Variants in MAGI2 observed in about 807,000 individuals in gnomAD.
MAGI2 encodes membrane associated guanylate kinase, WW and PDZ domain containing 2.
A neutral mutation model predicts 133.3 loss-of-function variants in MAGI2; 35 were observed. The ratio of observed to expected loss-of-function variants is 0.26; its 90% confidence interval spans 0.20 to 0.35. MAGI2 has a LOEUF of 0.35. Ranked by LOEUF, MAGI2 falls within the 10% of genes least tolerant of loss-of-function variation. The probability of loss-of-function intolerance (pLI) is 1.00; values close to 1 mark genes in which losing one functional copy is unlikely to be tolerated. For synonymous variants in MAGI2, 729 were observed against 710.6 expected, an observed-to-expected ratio of 1.03 and a Z score of -0.41; for missense variants, 1,636 against 1,863.4, an observed-to-expected ratio of 0.88 and a Z score of 2.25.
intron 2 of MAGI2, among the ~76,000 whole-genome samples, chr7:78,709,557 TCAC>T (rs1818973623): frequency 6.6e-6 from 1 of 152,168 alleles, no homozygotes; most frequent in Non-Finnish European, 1.5e-5. Context: ...TCACTTCAGT[TCAC>T]GTTTATTTTG....
intron 6 of MAGI2, among the ~76,000 whole-genome samples, chr7:78,452,772 C>T (rs888383754): frequency 1.3e-5 from 2 of 150,832 alleles, no homozygotes; most frequent in African/African-American, 4.9e-5. Context: ...TTTGAAAATG[C>T]CTTTTGAATA....
At chr7:78,450,272 G>T (rs1336101798) in intron 6 of MAGI2, among the ~76,000 whole-genome samples, 1 of 151,886 alleles carries the variant, frequency 6.6e-6, no homozygotes, top group Non-Finnish European at 1.5e-5. Flanking sequence ...TCAATCCTGG[G>T]AATTCATTAA....
intron 1 of MAGI2, among the ~76,000 whole-genome samples, chr7:79,077,607 A>AG (rs1815645897): frequency 6.9e-6 from 1 of 144,440 alleles, no homozygotes; most frequent in African/African-American, 2.6e-5. Context: ...AAATAAATAA[A>AG]TAAATTCCCT....
intron 1 of MAGI2, among the ~76,000 whole-genome samples, chr7:79,093,720 T>C (rs1355659689): frequency 1.3e-4 from 19 of 149,492 alleles, no homozygotes; most frequent in Middle Eastern, 3.5e-3. Context: ...TTTTCTTTTT[T>C]TTTTTTTTTT....
intron 9 of MAGI2, among the ~76,000 whole-genome samples, chr7:78,274,038 C>T (rs982787796): frequency 1.3e-5 from 2 of 152,160 alleles, no homozygotes. Context: ...GAATTTTCAG[C>T]CTTTTTGCAC....
At chr7:79,266,945 T>TAGACTTCAGATAAGGGGGAATGATAC in intron 1 of MAGI2, among the ~76,000 whole-genome samples, 1 of 152,072 alleles carries the variant, frequency 6.6e-6, no homozygotes, top group African/African-American at 2.4e-5. Flanking sequence ...GTCTATCACA[T>TAGACTTCAGATAAGGGGGAATGATAC]AGACTTCAGA....
intron 1 of MAGI2, among the ~76,000 whole-genome samples, chr7:79,192,474 C>T (rs1827759108): frequency 6.6e-6 from 1 of 151,690 alleles, no homozygotes. Context: ...ATAAAAAAAA[C>T]TACAAGAAGG....
intron 2 of MAGI2, among the ~76,000 whole-genome samples, chr7:78,635,967 A>ATATC (rs1809593625): frequency 6.6e-6 from 1 of 152,228 alleles, no homozygotes; most frequent in Non-Finnish European, 1.5e-5. Context: ...AAAGCAAATA[A>ATATC]TATCGTTTGG....
chr7:78,162,674 T>C (rs1446988469), intron 15 of MAGI2, among the ~76,000 whole-genome samples: 2 of 152,162 alleles, frequency 1.3e-5, no homozygotes, highest in African/African-American at 4.8e-5. Context: ...AAGAGTCATA[T>C]ACATTAATAG....
At position 79,243,418 on chromosome 7, in the gene MAGI2, G is replaced by A. The variant is rs111661187; in HGVS notation, c.301+209602C>T. On this transcript the variant is annotated intron_variant, in intron 1 of 21. Transcript: ENST00000354212. ...TCAGAAGCACTTGATGCTGGAAACAGACAATATGATAGAGTGTGGGGATAT... is the reference window on the plus strand; with the variant it reads ...TCAGAAGCACTTGATGCTGGAAACAAACAATATGATAGAGTGTGGGGATAT... Among the ~76,000 whole-genome samples the A allele has an allele frequency of 1.1e-3, 161 of 152,314 alleles. 1 individual carries two copies. Among genetic ancestry groups the A allele is most frequent in the African/African-American group, 3.6e-3 (149 of 41,574 alleles).
intron 6 of MAGI2, among the ~76,000 whole-genome samples, chr7:78,483,767 C>A (rs765287050): frequency 4.0e-5 from 6 of 151,856 alleles, no homozygotes; most frequent in Non-Finnish European, 8.8e-5. Context: ...ATGATTAATA[C>A]CAGTCAGCTA....
chr7:78,447,714 T>C (rs1003850829), intron 6 of MAGI2, among the ~76,000 whole-genome samples: 6 of 152,194 alleles, frequency 3.9e-5, no homozygotes, highest in Non-Finnish European at 8.8e-5. Flanking sequence ...AGGACATTAT[T>C]GCAAGAAAGC....
intron 2 of MAGI2, among the ~76,000 whole-genome samples, chr7:78,791,770 G>A (rs1242029223): frequency 6.6e-6 from 1 of 151,930 alleles, no homozygotes; most frequent in African/African-American, 2.4e-5. Context: ...GGCTGGTCTC[G>A]AACTCCTGAC....
intron 1 of MAGI2, among the ~76,000 whole-genome samples, chr7:79,382,104 A>G (rs958573428): frequency 6.6e-6 from 1 of 151,600 alleles, no homozygotes; most frequent in African/African-American, 2.4e-5. Flanking sequence ...AGGAAGAAAT[A>G]ATTCCCAGTC....
chr7:79,396,772 G>A (rs11976606), intron 1 of MAGI2, among the ~76,000 whole-genome samples: 37,200 of 151,804 alleles, frequency 0.25, 5,899 homozygotes, highest in African/African-American at 0.44. Context: ...AGCCTAATAC[G>A]TATTACTTTT....
At chr7:78,435,410 A>G (rs146188730) in intron 6 of MAGI2, among the ~76,000 whole-genome samples, 165 of 152,228 alleles carry the variant, frequency 1.1e-3, no homozygotes, top group African/African-American at 3.9e-3. Context: ...ACAGAGGACC[A>G]ATGGATTTCA....
chr7:78,221,489 G>A (rs994464130), intron 10 of MAGI2, among the ~76,000 whole-genome samples: 7 of 152,088 alleles, frequency 4.6e-5, no homozygotes, highest in African/African-American at 7.2e-5. Context: ...ATGATGCTGT[G>A]GGAAGCTGAG....
intron 3 of MAGI2, among the ~76,000 whole-genome samples, chr7:78,536,845 G>A (rs913796895): frequency 9.4e-5 from 14 of 149,430 alleles, no homozygotes; most frequent in Non-Finnish European, 1.9e-4. Flanking sequence ...GCTGGGAATA[G>A]GTAGTGTTTG....
chr7:78,828,784 TA>T (rs1307536318), intron 2 of MAGI2, among the ~76,000 whole-genome samples: 1 of 152,162 alleles, frequency 6.6e-6, no homozygotes, highest in African/African-American at 2.4e-5. Context: ...TCTGTAAAAC[TA>T]AAATTATTCT....
Sources: allele counts gnomAD v4.1 joint callset (sites outside exome capture counted in the v4.1 genomes callset), GRCh38; gene constraint gnomAD v4.1.1; transcripts MANE v1.5; gene names NCBI Gene and HGNC (gene_info 2026-07-23, HGNC 2026-07-21).